VEPH1: variants seen among roughly 807,000 people sequenced by gnomAD.
VEPH1 encodes ventricular zone-expressed PH domain-containing protein homolog 1.
A neutral mutation model predicts 85.2 loss-of-function variants in VEPH1; 80 were observed. The observed-to-expected ratio is 0.94, with a 90% CI of 0.78 to 1.13. VEPH1 has a LOEUF of 1.13. Ranked by LOEUF, VEPH1 falls within the 50% of genes most tolerant of loss-of-function variation. VEPH1 has a pLI of 0.00. For missense variants in VEPH1, 955 were observed against 980.5 expected (o/e 0.97, Z 0.35); for synonymous variants, 297 against 348.0 (o/e 0.85, Z 1.63).
chr3:157,317,602 T>G (rs1212930001), intron 9 of VEPH1, among the ~76,000 whole-genome samples: 1 of 152,194 alleles, frequency 6.6e-6, no homozygotes, highest in Non-Finnish European at 1.5e-5. Context: ...CCATGGATGC[T>G]GTTCTCTTGG....
At chr3:157,395,039 C>A (rs533622566) in intron 6 of VEPH1, among the ~76,000 whole-genome samples, 1 of 152,296 alleles carries the variant, frequency 6.6e-6, no homozygotes, top group African/African-American at 2.4e-5. Flanking sequence ...CTCAAGCCAG[C>A]TGCTTCAGGA....
rs139237202 is a variant in VEPH1, at chr3:157,392,186, G to A, written c.907-10810C>T. On this transcript the variant is annotated intron_variant, in intron 6 of 13. Coordinates refer to ENST00000362010, the MANE Select transcript of VEPH1 (RefSeq NM_001167912.2). ...CACAATAGAAACAACAAAGCAACCAGCTAACAACTTCATGATAGTATCAAA... is the reference window on the plus strand; with the variant it reads ...CACAATAGAAACAACAAAGCAACCAACTAACAACTTCATGATAGTATCAAA... 3.0e-3 allele frequency among the ~76,000 whole-genome samples: 457 copies of A among 152,260 alleles called. 9 individuals carry two copies. The East Asian group carries it at 0.044, about 15-fold the overall frequency.
At chr3:157,386,967 A>G (rs114282923) in intron 6 of VEPH1, among the ~76,000 whole-genome samples, 4,830 of 152,342 alleles carry the variant, frequency 0.032, 100 homozygotes, top group Middle Eastern at 0.065. Flanking sequence ...CATGCTGAGT[A>G]TTGATGAACT....
chr3:157,438,027 GCGCGCGCGCGCACA>G (rs887320535), intron 4 of VEPH1: 4 of 828,122 alleles, frequency 4.8e-6, no homozygotes, highest in Non-Finnish European at 7.1e-6. Flanking sequence ...GGAAGCGCGC[GCGCGCGCGCGCACA>G]CACACACACA....
At chr3:157,482,046 C>T (rs1282145688) in intron 2 of VEPH1, among the ~76,000 whole-genome samples, 1 of 152,018 alleles carries the variant, frequency 6.6e-6, no homozygotes, top group Non-Finnish European at 1.5e-5. Flanking sequence ...GTTTTTATAC[C>T]AGTACCATGC....
At chr3:157,441,681 G>C (rs968245553) in intron 4 of VEPH1, among the ~76,000 whole-genome samples, 2 of 151,998 alleles carry the variant, frequency 1.3e-5, no homozygotes, top group Admixed American at 6.6e-5. Flanking sequence ...GCAGTGGTGT[G>C]CACCTGTAGT....
In VEPH1 at chr3:157,388,682, TG is replaced by T. The variant is rs1276503692; in HGVS notation, c.907-7307del. Among the ~76,000 whole-genome samples, 19 of 152,082 alleles carry T rather than the reference TG, an allele frequency of 1.2e-4. No individual in the cohort carries two copies. The East Asian group carries it at 3.7e-3, about 29-fold the overall frequency. ...TTCTACATCCACAAATACAACCAAT[TG>T]CAGGTCAAAATATTTGGAAAAAATA... On this transcript the variant is annotated intron_variant, in intron 6 of 13. Coordinates refer to ENST00000362010, the MANE Select transcript of VEPH1 (RefSeq NM_001167912.2).
intron 11 of VEPH1, among the ~76,000 whole-genome samples, chr3:157,311,119 T>C (rs1177647343): frequency 6.6e-6 from 1 of 152,218 alleles, no homozygotes; most frequent in Non-Finnish European, 1.5e-5. Context: ...GGCAACACAA[T>C]GGTCAATACA....
At chr3:157,303,711 C>T (rs1311226685) in intron 11 of VEPH1, among the ~76,000 whole-genome samples, 1 of 152,082 alleles carries the variant, frequency 6.6e-6, no homozygotes, top group Non-Finnish European at 1.5e-5. Context: ...TCCCCTTAAG[C>T]ACTGGATTAG....
intron 6 of VEPH1, among the ~76,000 whole-genome samples, chr3:157,399,094 T>C (rs1730635044): frequency 6.6e-6 from 1 of 152,178 alleles, no homozygotes; most frequent in Non-Finnish European, 1.5e-5. Context: ...GTATCAAAAA[T>C]CTTAAACATG....
At chr3:157,308,364 TC>T (rs1438784084) in intron 11 of VEPH1, among the ~76,000 whole-genome samples, 2 of 151,978 alleles carry the variant, frequency 1.3e-5, no homozygotes, top group African/African-American at 4.8e-5. Context: ...GATATCATTC[TC>T]TTTTATGTAG....
intron 11 of VEPH1, among the ~76,000 whole-genome samples, chr3:157,300,502 A>C (rs918299185): frequency 3.3e-5 from 5 of 152,198 alleles, no homozygotes; most frequent in Non-Finnish European, 7.3e-5. Context: ...TAAACTGAGA[A>C]AACATTTCTA....
intron 2 of VEPH1, among the ~76,000 whole-genome samples, chr3:157,483,123 T>TACACACACACAC (rs60205276): frequency 1.1e-3 from 165 of 147,040 alleles, no homozygotes; most frequent in East Asian, 1.6e-3. Flanking sequence ...TTTAAAAGCA[T>TACACACACACAC]ACACACACAC....
At chr3:157,439,774 G>A (rs574219816) in intron 4 of VEPH1, among the ~76,000 whole-genome samples, 2 of 152,030 alleles carry the variant, frequency 1.3e-5, no homozygotes, top group African/African-American at 4.8e-5. Flanking sequence ...TCTTTGAGAC[G>A]GAATCTCGCT....
rs1381691264 is a variant in VEPH1, at chr3:157,391,359, C to T, written c.907-9983G>A. Among the ~76,000 whole-genome samples the T allele has an allele frequency of 3.3e-5, 5 of 152,332 alleles. No homozygotes were observed. In the East Asian group the frequency reaches 7.7e-4, roughly 23 times the overall value. On this transcript the variant is annotated intron_variant, in intron 6 of 13. Coordinates refer to ENST00000362010, the MANE Select transcript of VEPH1 (RefSeq NM_001167912.2). ...CCACTGGGGATCCAAGCCACCCAAG[C>T]TGAGGGAGAGCAGTTTGTTTCTTTC... is the stretch of plus-strand genomic sequence containing the variant.
At chr3:157,481,466 A>ACACAC (rs60332684) in intron 2 of VEPH1, among the ~76,000 whole-genome samples, 579 of 47,964 alleles carry the variant, frequency 0.012, 10 homozygotes, top group African/African-American at 0.035. Context: ...ACACACACAC[A>ACACAC]AAAAAAAAAA....
At chr3:157,350,465 T>G (rs917769159) in intron 9 of VEPH1, among the ~76,000 whole-genome samples, 3 of 152,120 alleles carry the variant, frequency 2.0e-5, no homozygotes, top group Non-Finnish European at 4.4e-5. Flanking sequence ...TGGGGAAAGA[T>G]GTTATGAATA....
intron 2 of VEPH1, among the ~76,000 whole-genome samples, chr3:157,486,357 G>A (rs1738645213): frequency 6.6e-6 from 1 of 151,920 alleles, no homozygotes; most frequent in Admixed American, 6.6e-5. Flanking sequence ...TTAGTCAGGT[G>A]TGGTGGTGGG....
At chr3:157,323,707 ATTACT>A (rs780544391) in intron 9 of VEPH1, among the ~76,000 whole-genome samples, 11 of 152,282 alleles carry the variant, frequency 7.2e-5, no homozygotes, top group African/African-American at 2.2e-4. Context: ...TTTGCAAGTG[ATTACT>A]TTAATAACAC....
Sources: allele counts gnomAD v4.1 joint callset (sites outside exome capture counted in the v4.1 genomes callset), GRCh38; gene constraint gnomAD v4.1.1; transcripts MANE v1.5; gene names NCBI Gene and HGNC (gene_info 2026-07-23, HGNC 2026-07-21).